Variants in DPF3 observed in about 807,000 individuals in gnomAD.
DPF3 encodes the protein double PHD fingers 3.
In DPF3, 18 loss-of-function variants were observed where a neutral mutation model predicts 56.8. The observed-to-expected ratio is 0.32, with a 90% CI of 0.22 to 0.47. The LOEUF is 0.47. Ranked by LOEUF, DPF3 falls within the 20% of genes least tolerant of loss-of-function variation. The pLI, the probability that DPF3 is intolerant of heterozygous loss-of-function variation, is 1.00. For missense variants in DPF3, 403 were observed against 488.8 expected, an observed-to-expected ratio of 0.82 and a Z score of 1.65; for synonymous variants, 188 against 180.2, an observed-to-expected ratio of 1.04 and a Z score of -0.35.
At chr14:72,820,952 T>C (rs12436263) in intron 1 of DPF3, among the ~76,000 whole-genome samples, 1 of 151,686 alleles carries the variant, frequency 6.6e-6, no homozygotes, top group Non-Finnish European at 1.5e-5. Context: ...GACAACATGA[T>C]GAAACCCCAT....
rs1431953275 is a variant in DPF3 at position 72,615,777 on chromosome 14, A to G, written c.*3520T>C. On this transcript the variant is annotated 3_prime_UTR_variant, in exon 11 of 11. Coordinates refer to ENST00000556509, the MANE Select transcript of DPF3 (RefSeq NM_001280542.3). Reference sequence around the variant, plus strand: ...GTGAGGGGTTCCAAAGGAAAGCCAGAATGTCAATCTCCTAGCAGGAGCCCT... The same window carrying G: ...GTGAGGGGTTCCAAAGGAAAGCCAGGATGTCAATCTCCTAGCAGGAGCCCT... Among the ~76,000 whole-genome samples the G allele has an allele frequency of 6.6e-6, 1 of 152,254 alleles. No homozygotes were observed. The highest frequency in any genetic ancestry group is 6.5e-5 in the Admixed American group (1 of 15,284).
At chr14:72,859,179 A>ATT (rs1885286155) in intron 1 of DPF3, among the ~76,000 whole-genome samples, 1 of 152,176 alleles carries the variant, frequency 6.6e-6, no homozygotes. Context: ...AGAGGGTAGG[A>ATT]GTAGGCTATA....
intron 4 of DPF3, chr14:72,723,987 A>C (rs1286116658): frequency 2.9e-6 from 1 of 347,918 alleles, no homozygotes; most frequent in Non-Finnish European, 5.1e-6. Context: ...TTTTTGCCCA[A>C]GAAGAGTTTT....
At position 72,718,771 on chromosome 14, in the gene DPF3, ATT is replaced by A. The variant is rs766396428; in HGVS notation, c.526-4272_526-4271del. On this transcript the variant is annotated intron_variant, in intron 5 of 10. Coordinates refer to ENST00000556509, the MANE Select transcript of DPF3 (RefSeq NM_001280542.3). ...AGAACCACTGCTCTACACCCTTGCT[ATT>A]TTTTTTTTTTTTGAGACGGAGTCAC... 3.2e-5 allele frequency among the ~76,000 whole-genome samples: 3 copies of A among 93,896 alleles called. 1 individual carries two copies. The highest frequency in any genetic ancestry group is 5.8e-5 in the Non-Finnish European group (3 of 52,140). The allele number at this position is 93,896 out of a possible 152,430, so 61.6% of individuals were successfully genotyped here. A position where few individuals can be genotyped will look rare whatever the true frequency, so the allele number is the denominator to read the frequency against.
intron 2 of DPF3, among the ~76,000 whole-genome samples, chr14:72,764,495 T>G (rs1477937406): frequency 1.5e-5 from 2 of 130,800 alleles, no homozygotes; most frequent in Non-Finnish European, 3.2e-5. Flanking sequence ...TTTTTTTTTT[T>G]TTTTTTTTTT....
chr14:72,680,103 G>A (rs1887095355), intron 7 of DPF3, among the ~76,000 whole-genome samples: 1 of 152,196 alleles, frequency 6.6e-6, no homozygotes, highest in African/African-American at 2.4e-5. Flanking sequence ...GCCAGGAGAG[G>A]GTTAAAAGTG....
chr14:72,626,574 A>T (rs747495314), intron 9 of DPF3, among the ~76,000 whole-genome samples: 1 of 152,138 alleles, frequency 6.6e-6, no homozygotes, highest in Non-Finnish European at 1.5e-5. Context: ...TTATTCAACA[A>T]CTACTCTTCC....
chr14:72,707,698 A>ATG (rs1888466134), intron 6 of DPF3, among the ~76,000 whole-genome samples: 1 of 136,864 alleles, frequency 7.3e-6, no homozygotes, highest in Non-Finnish European at 1.6e-5. Context: ...GTGTGTGTGT[A>ATG]TGTGTGTATA....
At chr14:72,747,001 G>A (rs147087830) in intron 3 of DPF3, among the ~76,000 whole-genome samples, 65 of 152,326 alleles carry the variant, frequency 4.3e-4, no homozygotes, top group East Asian at 3.7e-3. Flanking sequence ...TGGCAGGCCC[G>A]TGTGCCCAAA....
chr14:72,834,490 GTC>G (rs1379942695), intron 1 of DPF3, among the ~76,000 whole-genome samples: 1 of 85,752 alleles, frequency 1.2e-5, no homozygotes, highest in East Asian at 3.0e-4. Context: ...GAGTGAGACT[GTC>G]TCAAAAAAAA....
chr14:72,685,415 A>C (rs982008619), intron 7 of DPF3, among the ~76,000 whole-genome samples: 1 of 152,248 alleles, frequency 6.6e-6, no homozygotes, highest in Non-Finnish European at 1.5e-5. Flanking sequence ...TAATGGACTT[A>C]TGATCATAAC....
At chr14:72,787,336 T>C (rs560478758) in intron 1 of DPF3, among the ~76,000 whole-genome samples, 106 of 152,322 alleles carry the variant, frequency 7.0e-4, no homozygotes, top group Non-Finnish European at 1.3e-3. Flanking sequence ...GGATTCCAGA[T>C]TGGAGTTGGA....
intron 1 of DPF3, among the ~76,000 whole-genome samples, chr14:72,861,747 GAAAGAAAGAAAGAAAGAA>G (rs1160295318): frequency 6.4e-4 from 10 of 15,650 alleles, no homozygotes; most frequent in African/African-American, 1.1e-3. Flanking sequence ...GAGAAAGAAA[GAAAGAAAGAAAGAAAGAA>G]AGAAAGAAAG....
At chr14:72,754,094 T>A (rs919795254) in intron 2 of DPF3, among the ~76,000 whole-genome samples, 1 of 151,888 alleles carries the variant, frequency 6.6e-6, no homozygotes. Context: ...ACAGCATCAC[T>A]GTCATGCCAA....
intron 9 of DPF3, among the ~76,000 whole-genome samples, chr14:72,624,314 A>T (rs1884666461): frequency 7.0e-6 from 1 of 143,426 alleles, no homozygotes; most frequent in Non-Finnish European, 1.5e-5. Flanking sequence ...TAATTTCTCC[A>T]GTTTTCCCAC....
chr14:72,641,668 G>A (rs1885569035), intron 8 of DPF3, among the ~76,000 whole-genome samples: 2 of 152,240 alleles, frequency 1.3e-5, no homozygotes, highest in African/African-American at 4.8e-5. Flanking sequence ...ATGGTGAGGT[G>A]AGGACAGAAA....
intron 5 of DPF3, among the ~76,000 whole-genome samples, chr14:72,717,148 G>A (rs550616911): frequency 6.6e-6 from 1 of 152,282 alleles, no homozygotes; most frequent in South Asian, 2.1e-4. Context: ...GCTCTCCTCT[G>A]CCCATGCACA....
chr14:72,644,667 G>A (rs942169947), intron 8 of DPF3, among the ~76,000 whole-genome samples: 2 of 152,154 alleles, frequency 1.3e-5, no homozygotes, highest in Non-Finnish European at 2.9e-5. Flanking sequence ...GCAGCAGGAG[G>A]GCCTTTCCTG....
At chr14:72,744,604 C>G (rs1890253139) in intron 3 of DPF3, among the ~76,000 whole-genome samples, 1 of 152,100 alleles carries the variant, frequency 6.6e-6, no homozygotes, top group African/African-American at 2.4e-5. Context: ...TCTCCAACAG[C>G]CCTCAAGATT....
Sources: allele counts gnomAD v4.1 joint callset (sites outside exome capture counted in the v4.1 genomes callset), GRCh38; gene constraint gnomAD v4.1.1; transcripts MANE v1.5; gene names NCBI Gene and HGNC (gene_info 2026-07-23, HGNC 2026-07-21).